The following MEOX1 variants were observed in gnomAD, a reference collection of about 807,000 sequenced individuals.
MEOX1 encodes the protein mesenchyme homeobox 1.
Under a neutral mutation model 23.2 loss-of-function variants are expected in MEOX1, and 17 were observed. The ratio of observed to expected loss-of-function variants is 0.73; its 90% confidence interval spans 0.50 to 1.10. The LOEUF (loss-of-function observed/expected upper bound fraction) is 1.10. Ranked by LOEUF, MEOX1 falls within the 50% of genes least tolerant of loss-of-function variation. MEOX1 has a pLI of 0.00. For synonymous variants in MEOX1, 134 were observed against 135.1 expected, an observed-to-expected ratio of 0.99 and a Z score of 0.06; for missense variants, 333 against 332.2, an observed-to-expected ratio of 1.00 and a Z score of -0.02.
At chr17:43,642,511 G>C (rs936231607) in intron 2 of MEOX1, among the ~76,000 whole-genome samples, 5 of 152,216 alleles carry the variant, frequency 3.3e-5, no homozygotes, top group Non-Finnish European at 7.3e-5. Flanking sequence ...AGGTCCCAGG[G>C]CTAGGAAAAG....
rs1972680905 is a variant in MEOX1, at chr17:43,640,909, C to T, written c.*1001G>A. ...CACTGTCACTGGAGAACCTTCCACTCCAGGGTTCCACATCTCCAGGCCCTC... is the reference window on the plus strand; with the variant it reads ...CACTGTCACTGGAGAACCTTCCACTTCAGGGTTCCACATCTCCAGGCCCTC... On this transcript the variant is annotated 3_prime_UTR_variant, in exon 3 of 3. Coordinates refer to ENST00000318579, the MANE Select transcript of MEOX1 (RefSeq NM_004527.4). The T allele has an allele frequency of 6.6e-6, 1 of 152,228 alleles. No homozygotes were observed. Among genetic ancestry groups the T allele is most frequent in the Non-Finnish European group, 1.5e-5 (1 of 68,042 alleles). The allele number at this position is 152,228 out of a possible 1,614,324, so 9.4% of individuals were successfully genotyped here.
At chr17:43,648,326 A>G (rs1024471356) in intron 1 of MEOX1, among the ~76,000 whole-genome samples, 2 of 151,970 alleles carry the variant, frequency 1.3e-5, no homozygotes, top group Non-Finnish European at 2.9e-5. Context: ...AAAATTAGCC[A>G]GGCGTGGTGG....
chr17:43,646,051 A>G (rs535853683), intron 1 of MEOX1, among the ~76,000 whole-genome samples: 1 of 152,264 alleles, frequency 6.6e-6, no homozygotes, highest in South Asian at 2.1e-4. Flanking sequence ...TGCCCGGGTC[A>G]GGGGTGTCGT....
rs747979640 is a variant in MEOX1 at position 43,641,889 on chromosome 17, A to AT, written c.*20dup. 6.2e-7 allele frequency: 1 copy of AT among 1,605,784 alleles called. No individual in the cohort carries two copies. The highest frequency in any genetic ancestry group is 8.5e-7 in the Non-Finnish European group (1 of 1,176,312). ...TGGGTAGGGGGCTCAGTCCTTAGTC[A>AT]TTTTTCCTCCATGCAGAATCTCACT... On this transcript the variant is annotated 3_prime_UTR_variant, in exon 3 of 3. Coordinates refer to ENST00000318579, the MANE Select transcript of MEOX1 (RefSeq NM_004527.4).
rs747658957 is a variant in MEOX1 at position 43,641,994 on chromosome 17, C to T, written c.681G>A (p.Lys227=). The stretch of plus-strand genomic sequence containing the variant: ...AGATGGGCTGACCTCCCTTCACACG[C>T]TTCCACTTCATCCTTCGGTTCTGGA... ...VWFQNRRMKW[K]RVKGGQPISP... Residue 227 remains lysine (K), a synonymous_variant, in exon 3 of 3, where the codon AAG becomes AAA. Coordinates refer to ENST00000318579, the MANE Select transcript of MEOX1 (RefSeq NM_004527.4). 3.1e-6 allele frequency: 5 copies of T among 1,614,078 alleles called. No homozygotes were observed. Among genetic ancestry groups the T allele is most frequent in the Non-Finnish European group, 4.2e-6 (5 of 1,179,968 alleles).
chr17:43,658,664 C>T (rs1389586511), intron 1 of MEOX1, among the ~76,000 whole-genome samples: 1 of 152,088 alleles, frequency 6.6e-6, no homozygotes, highest in Non-Finnish European at 1.5e-5. Flanking sequence ...GTGGGTTTGC[C>T]TTTTCTGAGC....
chr17:43,643,877 C>T (rs1186376615), intron 1 of MEOX1, among the ~76,000 whole-genome samples: 2 of 145,208 alleles, frequency 1.4e-5, no homozygotes, highest in Non-Finnish European at 3.0e-5. Flanking sequence ...CAGGTACCTG[C>T]CTCCCACCCT....
chr17:43,654,280 G>A (rs187384876), intron 1 of MEOX1, among the ~76,000 whole-genome samples: 50 of 152,124 alleles, frequency 3.3e-4, no homozygotes, highest in Admixed American at 2.7e-3. Context: ...AGGCCAAGGC[G>A]GGCGGATCAC....
chr17:43,657,374 A>T, intron 1 of MEOX1, among the ~76,000 whole-genome samples: 1 of 144,562 alleles, frequency 6.9e-6, no homozygotes. Flanking sequence ...TTTAGTAGAG[A>T]TAGGGTTTCA....
chr17:43,641,970 G>A lies in MEOX1; in HGVS notation c.705C>T (p.Ile235=). 6.2e-7 allele frequency: 1 copy of A among 1,613,808 alleles called. No individual in the cohort carries two copies. The highest frequency in any genetic ancestry group is 8.5e-7 in the Non-Finnish European group (1 of 1,179,740). ...KWKRVKGGQP[I]SPNGQDPEDG... ...CCTCAGGGTCCTGCCCATTGGGGGA[G>A]ATGGGCTGACCTCCCTTCACACGCT... The change falls in exon 3 of 3, where the codon ATC becomes ATT. Residue 235 remains isoleucine, a synonymous_variant. Transcript: ENST00000318579.
intron 1 of MEOX1, among the ~76,000 whole-genome samples, chr17:43,653,480 C>T (rs931531608): frequency 1.3e-5 from 2 of 149,618 alleles, no homozygotes; most frequent in African/African-American, 4.9e-5. Context: ...CAGCTCCCTT[C>T]TTTAGAGATT....
In MEOX1 at chr17:43,659,463, A is replaced by G. The variant is rs536252334; in HGVS notation, c.469+1603T>C. 7.9e-5 allele frequency among the ~76,000 whole-genome samples: 12 copies of G among 152,198 alleles called. No homozygotes were observed. The East Asian group carries it at 1.7e-3, about 22-fold the overall frequency. On this transcript the variant is annotated intron_variant, in intron 1 of 2. Coordinates refer to ENST00000318579, the MANE Select transcript of MEOX1 (RefSeq NM_004527.4). ...GCTTCTTCAAGCAGACAGACCAAAC[A>G]TCATTTCAAAATGAGGACTGCATTT... is the stretch of plus-strand genomic sequence containing the variant.
At chr17:43,657,386 C>A (rs1973060033) in intron 1 of MEOX1, among the ~76,000 whole-genome samples, 1 of 148,862 alleles carries the variant, frequency 6.7e-6, no homozygotes, top group Admixed American at 6.8e-5. Context: ...AGGGTTTCAC[C>A]ATGTTGGCCA....
chr17:43,659,442 C>T (rs1417005494), intron 1 of MEOX1, among the ~76,000 whole-genome samples: 1 of 152,102 alleles, frequency 6.6e-6, no homozygotes, highest in Non-Finnish European at 1.5e-5. Flanking sequence ...GAAGGGGCTT[C>T]TTCAAGCAGA....
At position 43,661,248 on chromosome 17, in the gene MEOX1, A is replaced by G; in HGVS notation, c.287T>C (p.Phe96Ser). ...CCTGCGCCGGGCGTCTGAGACAGGG[A>G]AGTGCCAGTTGGGGGACTGTGGGAA... Reference protein sequence around the residue: ...PAFPQSPNWHFPVSDARRRPN... With the variant: ...PAFPQSPNWHSPVSDARRRPN... Residue 96 changes from phenylalanine (F) to serine (S), a missense_variant, in exon 1 of 3, where the codon TTC becomes TCC. Transcript: ENST00000318579. 6.2e-7 allele frequency: 1 copy of G among 1,609,676 alleles called. No individual in the cohort carries two copies. Among genetic ancestry groups the G allele is most frequent in the Non-Finnish European group, 8.5e-7 (1 of 1,177,534 alleles).
At chr17:43,642,088 C>T (rs964753638) in intron 2 of MEOX1, 56 bp from the exon 3 acceptor site, 1 of 1,561,848 alleles carries the variant, frequency 6.4e-7, no homozygotes, top group Non-Finnish European at 8.7e-7. Flanking sequence ...ACCTCCTCCC[C>T]ATGTCAATGC....
In MEOX1 at chr17:43,658,420, T is replaced by C. The variant is rs1309459772; in HGVS notation, c.469+2646A>G. ...TACTCAGGAGGCTGAGACAGGAGAA[T>C]TGCTTGAACCCAAGGGGCAGAGGTT... On this transcript the variant is annotated intron_variant, in intron 1 of 2. Coordinates refer to ENST00000318579, the MANE Select transcript of MEOX1 (RefSeq NM_004527.4). 2.6e-5 allele frequency among the ~76,000 whole-genome samples: 4 copies of C among 151,650 alleles called. 1 individual carries two copies. The South Asian group carries it at 6.3e-4, about 24-fold the overall frequency.
At position 43,640,990 on chromosome 17, in the gene MEOX1, C is replaced by T. The variant is rs576018892; in HGVS notation, c.*920G>A. 6 of 152,274 alleles carry T rather than the reference C, an allele frequency of 3.9e-5. No homozygotes were observed. Among genetic ancestry groups the T allele is most frequent in the African/African-American group, 1.4e-4 (6 of 41,520 alleles). The allele number at this position is 152,274 out of a possible 1,614,324, so 9.4% of individuals were successfully genotyped here. On this transcript the variant is annotated 3_prime_UTR_variant, in exon 3 of 3. Coordinates refer to ENST00000318579, the MANE Select transcript of MEOX1 (RefSeq NM_004527.4). ...CCCTCCAGAATGCAGGGGACACTTT[C>T]CAGCCTCTACGTTGTTTTCAGCTCC... is the stretch of plus-strand genomic sequence containing the variant.
chr17:43,657,170 C>CT (rs57432395), intron 1 of MEOX1, among the ~76,000 whole-genome samples: 26,684 of 81,664 alleles, frequency 0.33, 4,921 homozygotes, highest in Middle Eastern at 0.42. Flanking sequence ...TTCTTTCTTT[C>CT]TTTTTTTTTT....
Sources: allele counts gnomAD v4.1 joint callset (sites outside exome capture counted in the v4.1 genomes callset), GRCh38; gene constraint gnomAD v4.1.1; transcripts MANE v1.5; gene names NCBI Gene and HGNC (gene_info 2026-07-23, HGNC 2026-07-21).